UROC1: variants seen among roughly 807,000 people sequenced by gnomAD.
UROC1 encodes the protein urocanate hydratase.
UROC1 carries 79 observed loss-of-function variants against 89.5 expected under a neutral mutation model. The ratio of observed to expected loss-of-function variants is 0.88; its 90% CI spans 0.74 to 1.06. UROC1 has a LOEUF of 1.06. UROC1 is among the 50% of genes least tolerant of loss of function. The probability of loss-of-function intolerance (pLI) is 0.00; values close to 1 mark genes in which losing one functional copy is unlikely to be tolerated. For synonymous variants in UROC1, 361 were observed against 354.8 expected, an observed-to-expected ratio of 1.02 and a Z score of -0.20; for missense variants, 885 against 907.8, an observed-to-expected ratio of 0.97 and a Z score of 0.32.
Position 126,496,042 on chromosome 3 carries a change from C to T in UROC1, c.1505G>A (p.Arg502Gln), listed in dbSNP as rs142539456. 7.4e-4 allele frequency: 1,198 copies of T among 1,613,128 alleles called. No homozygotes were observed. Among genetic ancestry groups the T allele is most frequent in the Admixed American group, 1.0e-3 (62 of 59,976 alleles). ...CCCCCAGGCCTGGGCCCTCACCAGC[C>T]GGTGCCTGGCGGCCTCCCGGATCCA... ...IRWIREAARH[R>Q]LVVGSQARIL... The change falls in exon 15 of 20, where the codon CGG (arginine) becomes CAG (glutamine). Residue 502 changes from arginine to glutamine, a missense_variant. Arg to Gln is a conservative substitution (Grantham distance 43, BLOSUM62 1). Coordinates refer to ENST00000290868, the MANE Select transcript of UROC1 (RefSeq NM_144639.3).
chr3:126,500,629 G>C (rs1037935094), intron 11 of UROC1, 66 bp downstream of exon 11: 8 of 1,600,180 alleles, frequency 5.0e-6, no homozygotes, highest in Non-Finnish European at 5.1e-6. Flanking sequence ...CTAGGTGGTG[G>C]CCAGAGCAGG....
intron 14 of UROC1, among the ~76,000 whole-genome samples, chr3:126,496,450 T>C (rs1379683044): frequency 6.6e-6 from 1 of 152,166 alleles, no homozygotes; most frequent in Non-Finnish European, 1.5e-5. Flanking sequence ...TGTTGAGGGC[T>C]CCCCAGGATG....
chr3:126,508,182 TC>T, intron 4 of UROC1, 87 bp from the exon 5 acceptor site: 2 of 1,608,506 alleles, frequency 1.2e-6, no homozygotes, highest in Admixed American at 3.3e-5. Context: ...CCTGGACAGC[TC>T]CCACAGGCCC....
chr3:126,487,872 A>C (rs777484), intron 18 of UROC1, among the ~76,000 whole-genome samples: 61,230 of 152,044 alleles, frequency 0.4, 13,693 homozygotes, highest in Middle Eastern at 0.55. Flanking sequence ...ATGGGAACAC[A>C]TGGAAACTGA....
intron 11 of UROC1, 132 bp from the exon 12 acceptor site, chr3:126,500,286 G>T: frequency 1.2e-6 from 1 of 859,104 alleles, no homozygotes; most frequent in Non-Finnish European, 1.9e-6. Flanking sequence ...TGCTCCTCGG[G>T]TCGGCACCAC....
chr3:126,497,580 AG>A (rs1444079769), intron 14 of UROC1, among the ~76,000 whole-genome samples: 2 of 152,222 alleles, frequency 1.3e-5, no homozygotes, highest in Non-Finnish European at 1.5e-5. Context: ...AGGAACTAGA[AG>A]CACTGCTGTC....
chr3:126,487,755 G>A (rs1935548767), intron 18 of UROC1, among the ~76,000 whole-genome samples: 1 of 152,202 alleles, frequency 6.6e-6, no homozygotes, highest in Non-Finnish European at 1.5e-5. Flanking sequence ...CAGGTCTCCT[G>A]CCCCCAGCCC....
At position 126,505,987 on chromosome 3, in the gene UROC1, G is replaced by C. The variant is rs1936049246; in HGVS notation, c.627C>G (p.Ser209Arg). 1 of 1,613,190 alleles carries C rather than the reference G, an allele frequency of 6.2e-7. No individual in the cohort carries two copies. Among genetic ancestry groups the C allele is most frequent in the African/African-American group, 1.3e-5 (1 of 74,838 alleles). The change falls in exon 7 of 20, where the codon AGC (serine) becomes AGG (arginine). Residue 209 changes from serine (S) to arginine (R), a missense_variant. Transcript: ENST00000290868. ...VTMYGQMTAG[S>R]YCYIGPQGIV... ...TTCCCTGGGGACCGATGTAGCAGTA[G>C]CTACCTGCTGTCATCTGGCCGTACC... is the stretch of plus-strand genomic sequence containing the variant.
At chr3:126,487,943 A>G (rs528398537) in intron 18 of UROC1, among the ~76,000 whole-genome samples, 1 of 152,330 alleles carries the variant, frequency 6.6e-6, no homozygotes, top group East Asian at 1.9e-4. Context: ...CCATTCTTGC[A>G]GAGCCTAAGA....
At position 126,501,232 on chromosome 3, in the gene UROC1, G is replaced by A. The variant is rs372980229; in HGVS notation, c.951C>T (p.Asn317=). The A allele has an allele frequency of 2.0e-5, 33 of 1,614,026 alleles. No homozygotes were observed. Among genetic ancestry groups the A allele is most frequent in the Admixed American group, 1.0e-4 (6 of 60,010 alleles). Residue 317 remains asparagine, a synonymous_variant, in exon 10 of 20, where the codon AAC becomes AAT. Coordinates refer to ENST00000290868, the MANE Select transcript of UROC1 (RefSeq NM_144639.3). ...KEVLSLGYHG[N]VVALWERLVH... ...CCCCCACTCACCAAAGAGCCACCAC[G>A]TTGCCATGGTAACCAAGGCTGAGCA... is the stretch of plus-strand genomic sequence containing the variant.
At chr3:126,498,009 G>C (rs760349670) in intron 14 of UROC1, 42 bp downstream of exon 14, 27 of 1,613,192 alleles carry the variant, frequency 1.7e-5, no homozygotes, top group Non-Finnish European at 2.1e-5. Context: ...AGAAGCTTTG[G>C]GGGGGCCACC....
Position 126,497,966 on chromosome 3 carries a change from G to A in UROC1, c.1438+85C>T, listed in dbSNP as rs1935819981. The A allele has an allele frequency of 3.1e-6, 5 of 1,607,640 alleles. No individual in the cohort carries two copies. In the African/African-American group the frequency reaches 4.0e-5, roughly 13 times the overall value. ...GGTTCCCTCCCAGAATTAGCTAGGTGGGCCTGCTATAGAAGCTTGTCTCTA... is the reference window on the plus strand; with the variant it reads ...GGTTCCCTCCCAGAATTAGCTAGGTAGGCCTGCTATAGAAGCTTGTCTCTA... On this transcript the variant is annotated intron_variant, in intron 14 of 19. Transcript: ENST00000290868.
chr3:126,482,303 G>T lies in UROC1; in HGVS notation c.*42C>A, dbSNP rs373221792. 5.0e-5 allele frequency: 80 copies of T among 1,608,016 alleles called. No homozygotes were observed. The African/African-American group carries it at 8.9e-4, about 18-fold the overall frequency. ...TGCCATGGCTGGGCAGGTGAGGATC[G>T]CCAGGGAGGAAGGGAGGCAGGGGCC... On this transcript the variant is annotated 3_prime_UTR_variant, in exon 20 of 20. Transcript: ENST00000290868.
chr3:126,505,561 C>T (rs948297210), intron 8 of UROC1, 140 bp downstream of exon 8: 29 of 1,352,508 alleles, frequency 2.1e-5, no homozygotes, highest in Admixed American at 6.2e-5. Context: ...AGTGGGGCTT[C>T]GTGGAGGAGG....
Position 126,505,756 on chromosome 3 carries a change from C to G in UROC1, c.758G>C (p.Ser253Thr). Residue 253 changes from serine (S) to threonine (T), a missense_variant, in exon 8 of 20, where the codon AGT becomes ACT. Coordinates refer to ENST00000290868, the MANE Select transcript of UROC1 (RefSeq NM_144639.3). ...VFVTSGLGGM[S>T]GAQAKAAVIV... ...GACTGCGGCCTTGGCCTGAGCCCCACTCATTCCGCCGAGCCCAGAGGTGAC... is the reference window on the plus strand; with the variant it reads ...GACTGCGGCCTTGGCCTGAGCCCCAGTCATTCCGCCGAGCCCAGAGGTGAC... 6.2e-7 allele frequency: 1 copy of G among 1,613,886 alleles called. No individual in the cohort carries two copies. The highest frequency in any genetic ancestry group is 8.5e-7 in the Non-Finnish European group (1 of 1,179,986).
rs1935853020 is a variant in UROC1 at position 126,499,277 on chromosome 3, C to T, written c.1316+60G>A. The T allele has an allele frequency of 2.5e-6, 4 of 1,579,030 alleles. No homozygotes were observed. In the South Asian group the frequency reaches 4.5e-5, roughly 18 times the overall value. ...CCAACCTAAATACCCAGGACGCAGA[C>T]CCTGAACGGGGCAGGGGTGGCACTG... On this transcript the variant is annotated intron_variant, in intron 13 of 19. Coordinates refer to ENST00000290868, the MANE Select transcript of UROC1 (RefSeq NM_144639.3).
chr3:126,483,649 G>A lies in UROC1; in HGVS notation c.1791-181C>T, dbSNP rs549324727. Among the ~76,000 whole-genome samples, 46 of 152,360 alleles carry A rather than the reference G, an allele frequency of 3.0e-4. 1 individual carries two copies. Among genetic ancestry groups the A allele is most frequent in the Non-Finnish European group, 5.3e-4 (36 of 68,028 alleles). ...GCAGGCAAGCACAGCTGGGAGCAGCGTGGTTACCTGCCACCTCTCTGCCCA... is the reference window on the plus strand; with the variant it reads ...GCAGGCAAGCACAGCTGGGAGCAGCATGGTTACCTGCCACCTCTCTGCCCA... On this transcript the variant is annotated intron_variant, in intron 18 of 19. Transcript: ENST00000290868.
rs749197762 is a variant in UROC1 at position 126,500,868 on chromosome 3, G to A, written c.972C>T (p.Arg324=). 33 of 1,613,516 alleles carry A rather than the reference G, an allele frequency of 2.0e-5. No individual in the cohort carries two copies. In the Admixed American group the frequency reaches 4.8e-4, roughly 24 times the overall value. The part of the protein sequence containing the change: ...YHGNVVALWE[R]LVHELDTTGE... Reference sequence around the variant, plus strand: ...CCGTCGTGTCCAATTCGTGGACCAGGCGCTCCCTGGGGAAGCCATGCGGTG... The same window carrying A: ...CCGTCGTGTCCAATTCGTGGACCAGACGCTCCCTGGGGAAGCCATGCGGTG... The change falls in exon 11 of 20, where the codon CGC becomes CGT. Residue 324 remains arginine, a synonymous_variant. Transcript: ENST00000290868.
At chr3:126,497,901 A>G in intron 14 of UROC1, 150 bp downstream of exon 14, 15 of 1,366,522 alleles carry the variant, frequency 1.1e-5, no homozygotes, top group Non-Finnish European at 1.4e-5. Context: ...TTGTGTTGCC[A>G]GCTGAGCACC....
Sources: gnomAD v4.1 joint callset for allele counts (sites outside exome capture counted in the v4.1 genomes callset) on GRCh38, gnomAD v4.1.1 for gene constraint, MANE v1.5 for transcripts, NCBI Gene and HGNC (gene_info 2026-07-23, HGNC 2026-07-21) for gene names.